The following FBXL7 variants were observed in gnomAD, a reference collection of about 807,000 sequenced individuals.
FBXL7 encodes the protein F-box/LRR-repeat protein 7.
FBXL7 carries 12 observed loss-of-function variants against 38.3 expected under a neutral mutation model. The observed-to-expected ratio is 0.31, with a 90% CI of 0.20 to 0.51. The LOEUF is 0.51. Among genes scored for constraint, FBXL7 ranks in the 20% least tolerant of loss-of-function variants. FBXL7 has a pLI of 0.98. For synonymous variants in FBXL7, 297 were observed against 300.9 expected, an observed-to-expected ratio of 0.99 and a Z score of 0.13; for missense variants, 567 against 676.4, an observed-to-expected ratio of 0.84 and a Z score of 1.79.
intron 1 of FBXL7, among the ~76,000 whole-genome samples, chr5:15,546,168 G>A (rs1421819014): frequency 3.3e-5 from 5 of 152,128 alleles, no homozygotes; most frequent in Admixed American, 6.5e-5. Flanking sequence ...AGTGACTCAC[G>A]CCTGTAATCC....
At chr5:15,618,621 G>A (rs1310589465) in intron 2 of FBXL7, among the ~76,000 whole-genome samples, 1 of 152,150 alleles carries the variant, frequency 6.6e-6, no homozygotes, top group African/African-American at 2.4e-5. Context: ...TTCAGGATAA[G>A]TGATTAGGGA....
At chr5:15,756,197 A>G (rs1736292768) in intron 2 of FBXL7, among the ~76,000 whole-genome samples, 1 of 152,210 alleles carries the variant, frequency 6.6e-6, no homozygotes, top group Non-Finnish European at 1.5e-5. Context: ...CACTAAGTCT[A>G]GATGGTGTTT....
Position 15,568,420 on chromosome 5 carries a change from T to C in FBXL7, c.38-47563T>C, listed in dbSNP as rs1447447901. ...TTGAGAAGTGTCTGTTCATATCCTT[T>C]GCCCACTTTTTGATGGGGTTTTTTT... On this transcript the variant is annotated intron_variant, in intron 1 of 3. Transcript: ENST00000504595. Among the ~76,000 whole-genome samples the C allele has an allele frequency of 3.3e-5, 5 of 152,326 alleles. No individual in the cohort carries two copies. In the East Asian group the frequency reaches 5.8e-4, roughly 18 times the overall value.
At chr5:15,771,001 C>T (rs10462597) in intron 2 of FBXL7, among the ~76,000 whole-genome samples, 9,291 of 152,244 alleles carry the variant, frequency 0.061, 289 homozygotes, top group East Asian at 0.1. Flanking sequence ...AACCTTTTAA[C>T]GGAATTTCCA....
chr5:15,871,320 T>C (rs781313734), intron 2 of FBXL7, among the ~76,000 whole-genome samples: 13 of 151,994 alleles, frequency 8.6e-5, no homozygotes, highest in Non-Finnish European at 1.6e-4. Flanking sequence ...AGACCAAAGG[T>C]AGATAAATCC....
intron 2 of FBXL7, among the ~76,000 whole-genome samples, chr5:15,782,326 C>A (rs761772936): frequency 6.6e-6 from 1 of 152,122 alleles, no homozygotes; most frequent in African/African-American, 2.4e-5. Flanking sequence ...GATTTATAAT[C>A]CTTTGGGTAT....
In FBXL7 at chr5:15,594,571, G is replaced by C. The variant is rs535658482; in HGVS notation, c.38-21412G>C. Among the ~76,000 whole-genome samples the C allele has an allele frequency of 5.3e-5, 8 of 152,322 alleles. No homozygotes were observed. In the East Asian group the frequency reaches 1.4e-3, roughly 26 times the overall value. ...CAGCTCACACTGGGGATGGAGGTGGGAGATAGTGGGCTTGTCCTTGGTATT... is the reference window on the plus strand; with the variant it reads ...CAGCTCACACTGGGGATGGAGGTGGCAGATAGTGGGCTTGTCCTTGGTATT... On this transcript the variant is annotated intron_variant, in intron 1 of 3. Transcript: ENST00000504595.
intron 2 of FBXL7, among the ~76,000 whole-genome samples, chr5:15,919,455 C>G (rs974545861): frequency 1.3e-5 from 2 of 152,008 alleles, no homozygotes; most frequent in African/African-American, 4.8e-5. Flanking sequence ...AAAAAGACAG[C>G]TATACTTTTT....
intron 2 of FBXL7, among the ~76,000 whole-genome samples, chr5:15,883,254 G>A (rs558306332): frequency 9.9e-5 from 15 of 152,220 alleles, no homozygotes; most frequent in East Asian, 5.8e-4. Flanking sequence ...GATGGGGCAG[G>A]GAATTCAGAA....
chr5:15,759,345 T>C (rs1203827809), intron 2 of FBXL7, among the ~76,000 whole-genome samples: 2 of 151,970 alleles, frequency 1.3e-5, no homozygotes, highest in Non-Finnish European at 2.9e-5. Context: ...CTTTCCTCAC[T>C]TTTTTTTAAT....
chr5:15,927,767 A>AAAAAAG (rs1741917471), intron 2 of FBXL7, 123 bp from the exon 3 acceptor site: 1 of 328,528 alleles, frequency 3.0e-6, no homozygotes, highest in Non-Finnish European at 4.4e-6. Flanking sequence ...AAGATCTTAA[A>AAAAAAG]AAAAAAAAAA....
intron 1 of FBXL7, among the ~76,000 whole-genome samples, chr5:15,577,133 T>C (rs1580381190): frequency 6.6e-6 from 1 of 152,348 alleles, no homozygotes; most frequent in Admixed American, 6.5e-5. Flanking sequence ...CCTGGCTTCA[T>C]TTTAAACTGC....
At chr5:15,897,678 G>T (rs1485334794) in intron 2 of FBXL7, among the ~76,000 whole-genome samples, 1 of 152,164 alleles carries the variant, frequency 6.6e-6, no homozygotes, top group Non-Finnish European at 1.5e-5. Flanking sequence ...CGGAAATAGG[G>T]AATAGTCTAG....
chr5:15,520,197 C>T (rs1327790113), intron 1 of FBXL7, among the ~76,000 whole-genome samples: 1 of 152,146 alleles, frequency 6.6e-6, no homozygotes, highest in Non-Finnish European at 1.5e-5. Context: ...TTTACTGCAA[C>T]CTATTTTATC....
chr5:15,535,808 G>A (rs1361864651), intron 1 of FBXL7, among the ~76,000 whole-genome samples: 1 of 152,246 alleles, frequency 6.6e-6, no homozygotes, highest in Non-Finnish European at 1.5e-5. Flanking sequence ...TTTCTGGGGA[G>A]AAATTCAAGC....
At chr5:15,927,740 A>G in intron 2 of FBXL7, 150 bp from the exon 3 acceptor site, 1 of 777,722 alleles carries the variant, frequency 1.3e-6, no homozygotes, top group East Asian at 3.2e-5. Context: ...ACGCCATTGC[A>G]CTCCCGCCTG....
At chr5:15,653,339 A>C (rs1470633857) in intron 2 of FBXL7, among the ~76,000 whole-genome samples, 2 of 152,200 alleles carry the variant, frequency 1.3e-5, no homozygotes, top group Non-Finnish European at 2.9e-5. Context: ...AATAAAGCAA[A>C]GTTACAGTAA....
chr5:15,683,393 C>T (rs908727293), intron 2 of FBXL7, among the ~76,000 whole-genome samples: 1 of 152,200 alleles, frequency 6.6e-6, no homozygotes, highest in Non-Finnish European at 1.5e-5. Context: ...CAGGGAGTCA[C>T]CTAACCCTGC....
chr5:15,708,431 C>A (rs138448038), intron 2 of FBXL7, among the ~76,000 whole-genome samples: 1 of 152,296 alleles, frequency 6.6e-6, no homozygotes, highest in Non-Finnish European at 1.5e-5. Flanking sequence ...CTCCTGAGTT[C>A]CTTTACCTGA....
Sources: allele counts gnomAD v4.1 joint callset (sites outside exome capture counted in the v4.1 genomes callset), GRCh38; gene constraint gnomAD v4.1.1; transcripts MANE v1.5; gene names NCBI Gene and HGNC (gene_info 2026-07-23, HGNC 2026-07-21).